The following B9D1 variants were observed in gnomAD, a reference collection of about 807,000 sequenced individuals.
The protein encoded by B9D1 is B9 domain-containing protein 1.
A neutral mutation model predicts 26.1 loss-of-function variants in B9D1; 20 were observed. The observed-to-expected ratio is 0.77, with a 90% CI of 0.54 to 1.12. B9D1 has a LOEUF of 1.12. Ranked by LOEUF, B9D1 falls within the 50% of genes most tolerant of loss-of-function variation. B9D1 has a pLI of 0.00. For missense variants in B9D1, 260 were observed against 273.7 expected, an observed-to-expected ratio of 0.95 and a Z score of 0.35; for synonymous variants, 105 against 103.1, an observed-to-expected ratio of 1.02 and a Z score of -0.11.
chr17:19,368,524 G>T (rs932842451), intron 1 of B9D1, among the ~76,000 whole-genome samples: 4 of 152,142 alleles, frequency 2.6e-5, no homozygotes, highest in African/African-American at 9.7e-5. Flanking sequence ...CTACTAGTAG[G>T]GCTCAGTAAA....
At position 19,343,357 on chromosome 17, in the gene B9D1, C is replaced by T. The variant is rs530321513; in HGVS notation, c.577G>A (p.Val193Met). The T allele has an allele frequency of 1.4e-5, 22 of 1,614,178 alleles. No homozygotes were observed. The highest frequency in any genetic ancestry group is 9.9e-5 in the South Asian group (9 of 91,084). ...YDTGPSDTQG[V>M]LGPSPPQSFP... ...CTCTGGGGTGGGCTGGGCCCCAACA[C>T]ACCCTGTGTATCAGAAGGCCCAGTG... The change falls in exon 7 of 7, where the codon GTG becomes ATG. Residue 193 changes from valine to methionine, a missense_variant. Val to Met is a conservative substitution (Grantham distance 21). Coordinates refer to ENST00000261499, the MANE Select transcript of B9D1 (RefSeq NM_015681.6).
intron 2 of B9D1, among the ~76,000 whole-genome samples, chr17:19,358,178 A>G (rs1183456922): frequency 6.6e-6 from 1 of 152,138 alleles, no homozygotes; most frequent in East Asian, 1.9e-4. Flanking sequence ...TCTCCCGGGC[A>G]CAAGGGCACT....
intron 3 of B9D1, among the ~76,000 whole-genome samples, chr17:19,350,538 A>T (rs1274961205): frequency 6.6e-6 from 1 of 152,040 alleles, no homozygotes; most frequent in Non-Finnish European, 1.5e-5. Context: ...GCAAGACTCC[A>T]TCTCAAAAAT....
At chr17:19,346,991 GC>G (rs1265510257) in intron 5 of B9D1, 1 of 1,535,474 alleles carries the variant, frequency 6.5e-7, no homozygotes, top group Non-Finnish European at 8.8e-7. Flanking sequence ...TATGTCATGA[GC>G]ATTTTTCCCA....
intron 1 of B9D1, among the ~76,000 whole-genome samples, chr17:19,374,889 C>T (rs1192717224): frequency 6.6e-6 from 1 of 152,136 alleles, no homozygotes; most frequent in East Asian, 1.9e-4. Context: ...TGTAAATCAT[C>T]TAATAAGGTA....
downstream of B9D1, chr17:19,336,399 CT>C (rs1268676253): frequency 3.3e-5 from 5 of 152,506 alleles, no homozygotes; most frequent in Non-Finnish European, 5.9e-5. Context: ...TGTAACGAGT[CT>C]TTCATGATGT....
Position 19,347,001 on chromosome 17 carries a change from C to T in B9D1, c.404+268G>A. 1 of 1,537,556 alleles carries T rather than the reference C, an allele frequency of 6.5e-7. No individual in the cohort carries two copies. Among genetic ancestry groups the T allele is most frequent in the Non-Finnish European group, 8.8e-7 (1 of 1,142,788 alleles). On this transcript the variant is annotated intron_variant, in intron 5 of 6. Coordinates refer to ENST00000261499, the MANE Select transcript of B9D1 (RefSeq NM_015681.6). The surrounding 1 kb of genome is among the most constrained non-coding windows in gnomAD (Gnocchi z 4.3). ...CACATTATGTCATGAGCATTTTTCC[C>T]ATCTGACAAGAGTTTTTCCTCTGCT...
At chr17:19,335,092 A>C (rs1907338576), downstream of B9D1, 1 of 209,104 alleles carries the variant, frequency 4.8e-6, no homozygotes, top group Non-Finnish European at 9.5e-6. Context: ...TGACAAAAAA[A>C]TGCCTTATTG....
At chr17:19,366,580 CG>C (rs1259086875), upstream of B9D1, among the ~76,000 whole-genome samples, 2 of 152,088 alleles carry the variant, frequency 1.3e-5, no homozygotes, top group East Asian at 1.9e-4. Context: ...AGAGACAAAC[CG>C]ACTTCCCAAG....
downstream of B9D1, chr17:19,342,912 G>A (rs1278245552): frequency 4.1e-6 from 1 of 243,940 alleles, no homozygotes; most frequent in African/African-American, 2.3e-5. Flanking sequence ...AGCCTCTAAG[G>A]AGGGTGCCAT....
At chr17:19,335,327 TGAAAGTTAAA>T, downstream of B9D1, 1 of 1,447,436 alleles carries the variant, frequency 6.9e-7, no homozygotes, top group Admixed American at 2.1e-5. Context: ...ACCAACATCC[TGAAAGTTAAA>T]GAAAAAAATC....
chr17:19,350,831 A>G (rs1010132134), intron 3 of B9D1, among the ~76,000 whole-genome samples: 13 of 150,756 alleles, frequency 8.6e-5, no homozygotes, highest in Non-Finnish European at 1.9e-4. Context: ...GGGGATGATC[A>G]TGATTTTTTT....
chr17:19,357,848 G>C lies in B9D1; in HGVS notation c.236C>G (p.Pro79Arg). The change falls in exon 3 of 7, where the codon CCC becomes CGC. Residue 79 changes from proline (P) to arginine (R), a missense_variant. Coordinates refer to ENST00000261499, the MANE Select transcript of B9D1 (RefSeq NM_015681.6). ...PIDVTFKSTN[P>R]YGWPQIVLSV... ...GGCCCCTGCAGACTCACAGCCGTAGGGGTTGGTGCTTTTAAAGGTGACATC... is the reference window on the plus strand; with the variant it reads ...GGCCCCTGCAGACTCACAGCCGTAGCGGTTGGTGCTTTTAAAGGTGACATC... The C allele has an allele frequency of 6.2e-7, 1 of 1,613,726 alleles. No individual in the cohort carries two copies. Among genetic ancestry groups the C allele is most frequent in the South Asian group, 1.1e-5 (1 of 91,046 alleles).
Position 19,347,760 on chromosome 17 carries a change from G to A in B9D1, c.341+24C>T. The A allele has an allele frequency of 1.9e-6, 3 of 1,606,112 alleles. No individual in the cohort carries two copies. The highest frequency in any genetic ancestry group is 2.2e-5 in the South Asian group (2 of 90,862). On this transcript the variant is annotated intron_variant, in intron 4 of 6. Transcript: ENST00000261499. This position sits in a 1 kb window ranked among gnomAD's most constrained non-coding sequence, Gnocchi z 4.3. ...TGTCCTAGGACAAGTCCTGCCCAGG[G>A]CCCAGGTCAGAATGAGGACCTACCG... is the stretch of plus-strand genomic sequence containing the variant.
rs1237666820 is a variant in B9D1, at chr17:19,359,542, T to C, written c.132+778A>G. Among the ~76,000 whole-genome samples, 1 of 152,206 alleles carries C rather than the reference T, an allele frequency of 6.6e-6. No homozygotes were observed. Among genetic ancestry groups the C allele is most frequent in the Non-Finnish European group, 1.5e-5 (1 of 68,032 alleles). ...CAGCCTTAGCGAGATCGCAGCCTCC[T>C]TCTCATCACTCATCCCTGTCACTTC... is the stretch of plus-strand genomic sequence containing the variant. On this transcript the variant is annotated intron_variant, in intron 2 of 6. Transcript: ENST00000261499. This position sits in a 1 kb window ranked among gnomAD's most constrained non-coding sequence, Gnocchi z 5.0.
chr17:19,349,235 A>T (rs759277527), intron 3 of B9D1, among the ~76,000 whole-genome samples: 5 of 152,060 alleles, frequency 3.3e-5, no homozygotes, highest in Non-Finnish European at 5.9e-5. Context: ...GCTTTAACTT[A>T]TATTTTCCTT....
intron 1 of B9D1, among the ~76,000 whole-genome samples, chr17:19,376,015 TATGGTATATCTAAACAATGC>T (rs1167533889): frequency 6.6e-6 from 1 of 152,218 alleles, no homozygotes; most frequent in Non-Finnish European, 1.5e-5. Context: ...ATAAACAAAA[TATGGTATATCTAAACAATGC>T]AATATATTTG....
chr17:19,339,846 A>G (rs1223628122), downstream of B9D1, among the ~76,000 whole-genome samples: 3 of 152,202 alleles, frequency 2.0e-5, no homozygotes, highest in Non-Finnish European at 4.4e-5. Flanking sequence ...TTTGGCTAGA[A>G]CTACCCAAAT....
In B9D1 at chr17:19,346,195, T is replaced by C. The variant is rs1209173772; in HGVS notation, c.404+1074A>G. 2.0e-5 allele frequency among the ~76,000 whole-genome samples: 3 copies of C among 152,338 alleles called. No homozygotes were observed. The East Asian group carries it at 5.8e-4, about 29-fold the overall frequency. On this transcript the variant is annotated intron_variant, in intron 5 of 6. Coordinates refer to ENST00000261499, the MANE Select transcript of B9D1 (RefSeq NM_015681.6). ...GGGGATTGTCACCTCCAGGTGATAC[T>C]GGCCCAGGTCATCTGGGAAAGAAGT...
Sources: gnomAD v4.1 joint callset for allele counts (sites outside exome capture counted in the v4.1 genomes callset) on GRCh38, gnomAD v4.1.1 for gene constraint, Gnocchi (gnomAD v3.1) non-coding constraint, MANE v1.5 for transcripts, NCBI Gene and HGNC (gene_info 2026-07-23, HGNC 2026-07-21) for gene names.